RUVBL2: variants seen among roughly 807,000 people sequenced by gnomAD.
The protein encoded by RUVBL2 is RuvB like AAA ATPase 2, also known as ruvB-like 2.
Under a neutral mutation model 57.9 loss-of-function variants are expected in RUVBL2, and 9 were observed. The observed-to-expected ratio is 0.16, with a 90% confidence interval of 0.09 to 0.27. RUVBL2 has a LOEUF of 0.27. Among genes scored for constraint, RUVBL2 ranks in the 10% least tolerant of loss-of-function variants. RUVBL2 has a pLI of 1.00. For synonymous variants in RUVBL2, 278 were observed against 264.6 expected (o/e 1.05, Z -0.49); for missense variants, 456 against 669.6 (o/e 0.68, Z 3.52).
chr19:49,011,127 G>C lies in RUVBL2; in HGVS notation c.882+34G>C, dbSNP rs535003323. On this transcript the variant is annotated intron_variant, in intron 10 of 14. Transcript: ENST00000595090. This position sits in a 1 kb window ranked among gnomAD's most constrained non-coding sequence, Gnocchi z 4.4. ...CCAGGACATGGCCGGGGCGGGTGGT[G>C]GGGTGGAGGTGGGCCGGGGAAGTGG... The C allele has an allele frequency of 6.2e-7, 1 of 1,607,824 alleles. No individual in the cohort carries two copies. Among genetic ancestry groups the C allele is most frequent in the Admixed American group, 1.7e-5 (1 of 59,762 alleles).
At chr19:48,993,684 G>T, upstream of RUVBL2, 2 of 609,640 alleles carry the variant, frequency 3.3e-6, no homozygotes, top group Middle Eastern at 4.4e-4. Context: ...GCAAAAGGAG[G>T]AGGAGCCAGG....
At chr19:49,010,855 TG>T (rs2039409085) in intron 9 of RUVBL2, 143 bp from the exon 10 acceptor site, 2 of 864,310 alleles carry the variant, frequency 2.3e-6, no homozygotes, top group African/African-American at 3.3e-5. Context: ...TCCTCCTCTT[TG>T]GGGATGTTTC....
chr19:49,004,967 A>C (rs1342551353), intron 4 of RUVBL2, among the ~76,000 whole-genome samples: 1 of 151,494 alleles, frequency 6.6e-6, no homozygotes, highest in Non-Finnish European at 1.5e-5. Flanking sequence ...GTAAAAATAA[A>C]AAATTAAAAA....
intron 8 of RUVBL2, 71 bp downstream of exon 8, chr19:49,010,137 T>G: frequency 2.4e-5 from 33 of 1,348,432 alleles, no homozygotes; most frequent in Non-Finnish European, 3.4e-5. Context: ...ATCACCCCCT[T>G]GACCCATGGG....
chr19:49,004,493 T>A, intron 4 of RUVBL2, 75 bp downstream of exon 4: 1 of 1,448,406 alleles, frequency 6.9e-7, no homozygotes, highest in Admixed American at 1.8e-5. Flanking sequence ...AGGGTCAGGA[T>A]GAGCCGCCTT....
chr19:49,010,467 T>TGGCCCC, intron 8 of RUVBL2, 21 bp from the exon 9 acceptor site: 3 of 1,401,198 alleles, frequency 2.1e-6, no homozygotes, highest in Non-Finnish European at 3.0e-6. Flanking sequence ...CCGCCGTTCT[T>TGGCCCC]CCCCCACCCC....
At chr19:49,014,404 G>C in intron 11 of RUVBL2, 80 bp from the exon 12 acceptor site, 1 of 1,531,508 alleles carries the variant, frequency 6.5e-7, no homozygotes, top group South Asian at 1.2e-5. Context: ...GGGTGGCGAT[G>C]GGAGGTGAGA....
chr19:48,997,126 C>A (rs542755811), intron 1 of RUVBL2, among the ~76,000 whole-genome samples: 49 of 152,268 alleles, frequency 3.2e-4, no homozygotes, highest in Non-Finnish European at 5.6e-4. Flanking sequence ...CAAAAAGAAA[C>A]CCCATGCCTC....
chr19:48,999,296 G>A (rs759640513), intron 1 of RUVBL2, 23 bp from the exon 2 acceptor site: 62 of 1,613,954 alleles, frequency 3.8e-5, no homozygotes, highest in Non-Finnish European at 5.2e-5. Context: ...CTAGTCCTCT[G>A]ACACATCTTC....
chr19:49,009,788 G>A lies in RUVBL2; in HGVS notation c.475G>A (p.Gly159Ser). 6.2e-7 allele frequency: 1 copy of A among 1,613,946 alleles called. No homozygotes were observed. The highest frequency in any genetic ancestry group is 8.5e-7 in the Non-Finnish European group (1 of 1,179,954). The change falls in exon 7 of 15, where the codon GGC (glycine) becomes AGC (serine). Residue 159 changes from glycine (G) to serine (S), a missense_variant. This residue lies in a region of RUVBL2 where 233 missense variants were observed against 306.0 expected (regional missense o/e 0.76). Transcript: ENST00000595090. Reference protein sequence around the residue: ...RPATGTGSKVGKLTLKTTEME... With the variant: ...RPATGTGSKVSKLTLKTTEME... Reference sequence around the variant, plus strand: ...TCCCCACTCTCAGGGCTCCAAGGTGGGCAAACTGACCCTCAAGACCACAGA... The same window carrying A: ...TCCCCACTCTCAGGGCTCCAAGGTGAGCAAACTGACCCTCAAGACCACAGA...
At chr19:48,993,607 CG>C, upstream of RUVBL2, 1 of 540,306 alleles carries the variant, frequency 1.9e-6, no homozygotes, top group Non-Finnish European at 3.3e-6. Flanking sequence ...GCGTGGAGGA[CG>C]TGTGGTTACT....
chr19:49,011,012 G>T lies in RUVBL2; in HGVS notation c.801G>T (p.Glu267Asp). 1 of 1,612,070 alleles carries T rather than the reference G, an allele frequency of 6.2e-7. No individual in the cohort carries two copies. Among genetic ancestry groups the T allele is most frequent in the South Asian group, 1.1e-5 (1 of 90,406 alleles). Residue 267 changes from glutamate to aspartate, a missense_variant, in exon 10 of 15, where the codon GAG (glutamate) becomes GAT (aspartate). Physicochemically the swap from Glu to Asp is conservative, Grantham distance 45. Coordinates refer to ENST00000595090, the MANE Select transcript of RUVBL2 (RefSeq NM_006666.3). The surrounding 1 kb of genome is among the most constrained non-coding windows in gnomAD (Gnocchi z 4.4). ...FLALFSGDTG[E>D]IKSEVREQIN... ...TGCCTCCCATAGGTGACACAGGGGA[G>T]ATCAAGTCAGAAGTCCGTGAGCAGA...
In RUVBL2 at chr19:49,010,571, C is replaced by A; in HGVS notation, c.747C>A (p.Val249=). ...VHTVSLHEID[V]INSRTQGFLA... ...CCGTGTCCCTGCACGAGATCGACGT[C>A]ATCAACTCTCGCACCCAGGGCTTCC... is the stretch of plus-strand genomic sequence containing the variant. The change falls in exon 9 of 15, where the codon GTC becomes GTA. Residue 249 remains valine, a synonymous_variant. Transcript: ENST00000595090. 6.2e-7 allele frequency: 1 copy of A among 1,610,874 alleles called. No homozygotes were observed. The highest frequency in any genetic ancestry group is 1.3e-5 in the African/African-American group (1 of 74,848).
chr19:48,994,120 A>C, intron 1 of RUVBL2, 197 bp downstream of exon 1: 11 of 57,666 alleles, frequency 1.9e-4, no homozygotes, highest in East Asian at 3.3e-4. Flanking sequence ...TCTGGATCTG[A>C]GGCGGGGAGG....
chr19:49,003,403 C>T, intron 3 of RUVBL2, 69 bp downstream of exon 3: 2 of 1,440,108 alleles, frequency 1.4e-6, no homozygotes, highest in Non-Finnish European at 1.9e-6. Context: ...ACCCAGGGTC[C>T]TGGGGAGTGT....
At position 49,015,093 on chromosome 19, in the gene RUVBL2, A is replaced by G. The variant is rs117291854; in HGVS notation, c.1194A>G (p.Ser398=). 125 of 1,610,160 alleles carry G rather than the reference A, an allele frequency of 7.8e-5. No homozygotes were observed. The East Asian group carries it at 2.6e-3, about 34-fold the overall frequency. The change falls in exon 13 of 15, where the codon TCA becomes TCG. Residue 398 remains serine, a synonymous_variant. Coordinates refer to ENST00000595090, the MANE Select transcript of RUVBL2 (RefSeq NM_006666.3). ...TVLTRIGLET[S]LRYAIQLITA... is the part of the protein sequence containing the mutation. ...TGACCCGCATCGGGCTGGAGACGTC[A>G]CTGCGCTACGCCATCCAGCTCATCA...
chr19:49,014,408 G>A, intron 11 of RUVBL2, 76 bp from the exon 12 acceptor site: 1 of 1,544,702 alleles, frequency 6.5e-7, no homozygotes, highest in Non-Finnish European at 8.8e-7. Flanking sequence ...GGCGATGGGA[G>A]GTGAGAGTGT....
intron 6 of RUVBL2, among the ~76,000 whole-genome samples, chr19:49,009,459 C>T (rs556824523): frequency 8.0e-4 from 122 of 151,898 alleles, no homozygotes; most frequent in African/African-American, 2.4e-3. Context: ...TACACTCCAG[C>T]GTGGGCGACA....
intron 14 of RUVBL2, 43 bp downstream of exon 14, chr19:49,015,729 C>G (rs778939594): frequency 5.6e-6 from 9 of 1,611,802 alleles, no homozygotes; most frequent in Non-Finnish European, 7.6e-6. Flanking sequence ...GAGCCAACCT[C>G]AGAGGGAGGA....
Sources: allele counts gnomAD v4.1 joint callset (sites outside exome capture counted in the v4.1 genomes callset), GRCh38; gene constraint gnomAD v4.1.1; regional missense constraint gnomAD v4.1.1; non-coding constraint Gnocchi (gnomAD v3.1); transcripts MANE v1.5; gene names NCBI Gene and HGNC (gene_info 2026-07-23, HGNC 2026-07-21).